Variants in DIDO1 observed in about 807,000 individuals in gnomAD.
DIDO1 encodes death-inducer obliterator 1.
In DIDO1, 16 loss-of-function variants were observed where a neutral mutation model predicts 99.4. That is an observed-to-expected ratio of 0.16 (90% CI 0.11 to 0.24). The LOEUF is 0.24. Among genes scored for constraint, DIDO1 ranks in the 10% least tolerant of loss-of-function variants. DIDO1 has a pLI of 1.00. For synonymous variants in DIDO1, 1,366 were observed against 1,239.1 expected, an observed-to-expected ratio of 1.10 and a Z score of -2.15; for missense variants, 2,996 against 3,014.0, an observed-to-expected ratio of 0.99 and a Z score of 0.14.
chr20:62,931,717 G>A (rs908640523), intron 1 of DIDO1, among the ~76,000 whole-genome samples: 8 of 152,200 alleles, frequency 5.3e-5, no homozygotes, highest in African/African-American at 1.9e-4. Context: ...CAGACGCAAT[G>A]GGCCCCGGCC....
chr20:62,910,977 G>C lies in DIDO1; in HGVS notation c.636C>G (p.Val212=), dbSNP rs1212501568. 3 of 1,613,982 alleles carry C rather than the reference G, an allele frequency of 1.9e-6. No individual in the cohort carries two copies. The highest frequency in any genetic ancestry group is 2.5e-6 in the Non-Finnish European group (3 of 1,180,032). The change falls in exon 3 of 16, where the codon GTC becomes GTG. Residue 212 remains valine (V), a synonymous_variant. Coordinates refer to ENST00000395343, the MANE Select transcript of DIDO1 (RefSeq NM_001193369.2). ...GSEASDTVEG[V]LPSKQEPEND... ...TCTCGGGCTCCTGCTTACTGGGCAG[G>C]ACGCCCTCCACAGTGTCACTGGCCT...
chr20:62,881,382 G>C lies in DIDO1; in HGVS notation c.4574C>G (p.Pro1525Arg). 1 of 1,607,106 alleles carries C rather than the reference G, an allele frequency of 6.2e-7. No homozygotes were observed. Among genetic ancestry groups the C allele is most frequent in the Non-Finnish European group, 8.5e-7 (1 of 1,179,904 alleles). The change falls in exon 16 of 16, where the codon CCA becomes CGA. Residue 1525 changes from proline to arginine, a missense_variant. Transcript: ENST00000395343. This position sits in a 1 kb window ranked among gnomAD's most constrained non-coding sequence, Gnocchi z 8.3. ...CTCTGCCTTGGGCAAGGACGACTTTGGTGGTGGAGACATCAAGGCGTCCGA... is the reference window on the plus strand; with the variant it reads ...CTCTGCCTTGGGCAAGGACGACTTTCGTGGTGGAGACATCAAGGCGTCCGA... ...SVSDALMSPP[P>R]KSSLPKAELF...
chr20:62,892,452 A>G (rs1405923161), intron 13 of DIDO1, among the ~76,000 whole-genome samples: 3 of 152,180 alleles, frequency 2.0e-5, no homozygotes, highest in African/African-American at 4.8e-5. Context: ...ACGGGGTCAT[A>G]TGCGCCACCC....
At chr20:62,929,865 G>C (rs536118519), upstream of DIDO1, among the ~76,000 whole-genome samples, 3 of 151,486 alleles carry the variant, frequency 2.0e-5, no homozygotes, top group African/African-American at 7.3e-5. Context: ...ATGCTAAAAG[G>C]TGTCACAATC....
chr20:62,910,760 C>G lies in DIDO1; in HGVS notation c.839+14G>C, dbSNP rs747324127. Reference sequence around the variant, plus strand: ...CAACCCTGGGATTTCTGTGGGTGCCCACACATGACCCACCTGTTGTTGTGA... The same window carrying G: ...CAACCCTGGGATTTCTGTGGGTGCCGACACATGACCCACCTGTTGTTGTGA... On this transcript the variant is annotated intron_variant, in intron 3 of 15. Transcript: ENST00000395343. The G allele has an allele frequency of 5.0e-6, 8 of 1,597,946 alleles. No individual in the cohort carries two copies. Among genetic ancestry groups the G allele is most frequent in the Non-Finnish European group, 6.8e-6 (8 of 1,168,114 alleles).
chr20:62,919,274 G>A (rs1437713874), intron 1 of DIDO1, among the ~76,000 whole-genome samples: 6 of 152,178 alleles, frequency 3.9e-5, no homozygotes, highest in Non-Finnish European at 7.3e-5. Context: ...TGGGCCGGGT[G>A]CGGTGGCTCA....
intron 1 of DIDO1, among the ~76,000 whole-genome samples, chr20:62,936,218 G>A (rs1304618209): frequency 6.6e-6 from 1 of 152,040 alleles, no homozygotes; most frequent in Non-Finnish European, 1.5e-5. Flanking sequence ...ATCGAGACCA[G>A]CCTGGGCAAG....
chr20:62,911,589 G>A lies in DIDO1; in HGVS notation c.24C>T (p.Ser8=). The A allele has an allele frequency of 1.9e-6, 3 of 1,589,304 alleles. No individual in the cohort carries two copies. The East Asian group carries it at 6.7e-5, about 36-fold the overall frequency. The change falls in exon 3 of 16, where the codon AGC becomes AGT. Residue 8 remains serine, a synonymous_variant. Coordinates refer to ENST00000395343, the MANE Select transcript of DIDO1 (RefSeq NM_001193369.2). The surrounding 1 kb of genome is among the most constrained non-coding windows in gnomAD (Gnocchi z 7.0). MDDKGDP[S]NEEAPKAIKP... Reference sequence around the variant, plus strand: ...TGATGGCCTTAGGTGCCTCCTCATTGCTCGGGTCGCCTTTGTCGTCCATAC... The same window carrying A: ...TGATGGCCTTAGGTGCCTCCTCATTACTCGGGTCGCCTTTGTCGTCCATAC...
Position 62,881,040 on chromosome 20 carries a change from C to A in DIDO1, c.4916G>T (p.Gly1639Val). The part of the protein sequence containing the change: ...SEQDGWKAEP[G>V]EGTRPATVGD... ...AACCGTGGCGGGGCGGGTGCCCTCC[C>A]CAGGCTCTGCCTTCCAGCCGTCCTG... The change falls in exon 16 of 16, where the codon GGG becomes GTG. Residue 1639 changes from glycine (G) to valine (V), a missense_variant. Gly to Val is a moderately radical substitution (Grantham distance 109). Around this residue, in one of 5 missense-constraint regions of DIDO1, gnomAD observed 1,562 missense variants for 1,412.6 expected, o/e 1.11. Transcript: ENST00000395343. This position sits in a 1 kb window ranked among gnomAD's most constrained non-coding sequence, Gnocchi z 8.3. The A allele has an allele frequency of 1.2e-6, 2 of 1,604,776 alleles. No homozygotes were observed. Among genetic ancestry groups the A allele is most frequent in the Non-Finnish European group, 1.7e-6 (2 of 1,178,232 alleles).
Position 62,914,165 on chromosome 20 carries a change from T to A in DIDO1, c.-3+45A>T, listed in dbSNP as rs1244607155. ...ACTTTATAAATAGCAAATACAGACT[T>A]ATTAAGTTAAAATTTTGTTGCTACT... On this transcript the variant is annotated intron_variant, in intron 2 of 15. Transcript: ENST00000395343. 21 of 152,224 alleles carry A rather than the reference T, an allele frequency of 1.4e-4. 1 individual carries two copies. Among genetic ancestry groups the A allele is most frequent in the Admixed American group, 1.4e-3 (21 of 15,284 alleles). 9.4% of individuals were successfully genotyped at this position (152,224 alleles called of 1,614,324 possible). A position where few individuals can be genotyped will look rare whatever the true frequency, so the allele number is the denominator to read the frequency against.
At position 62,894,444 on chromosome 20, in the gene DIDO1, G is replaced by A. The variant is rs763566233; in HGVS notation, c.2541C>T (p.His847=). 7.4e-6 allele frequency: 12 copies of A among 1,613,310 alleles called. No homozygotes were observed. The highest frequency in any genetic ancestry group is 2.2e-5 in the South Asian group (2 of 91,080). ...AAATTTTACAGTTGAGATCGAAGAG[G>A]TGTGCGCGGTGCTGACTGGTGGTGT... The part of the protein sequence containing the change: ...LKDTTSQHRA[H]LFDLNCKICT... Residue 847 remains histidine, a synonymous_variant, in exon 11 of 16, where the codon CAC becomes CAT. Coordinates refer to ENST00000395343, the MANE Select transcript of DIDO1 (RefSeq NM_001193369.2). This position sits in a 1 kb window ranked among gnomAD's most constrained non-coding sequence, Gnocchi z 4.4.
upstream of DIDO1, among the ~76,000 whole-genome samples, chr20:62,929,692 A>AAAAAAAAAAAAAAATATATATATAT: frequency 3.1e-5 from 2 of 63,710 alleles, no homozygotes; most frequent in African/African-American, 1.5e-4. Context: ...AAAAAGAAAA[A>AAAAAAAAAAAAAAATATATATATAT]GTGTATATAT....
intron 1 of DIDO1, among the ~76,000 whole-genome samples, chr20:62,922,253 C>T (rs1311593801): frequency 6.7e-6 from 1 of 149,574 alleles, no homozygotes; most frequent in South Asian, 2.1e-4. Context: ...TACACACACA[C>T]ACATATATAT....
Position 62,909,682 on chromosome 20 carries a change from A to G in DIDO1, c.1161+17T>C, listed in dbSNP as rs1361979578. On this transcript the variant is annotated intron_variant, in intron 4 of 15. Coordinates refer to ENST00000395343, the MANE Select transcript of DIDO1 (RefSeq NM_001193369.2). ...AGGCCGACTGCTGAATGCTCGTCTC[A>G]GCGGACAAACACTTACAGGCTGGAA... The G allele has an allele frequency of 1.2e-6, 2 of 1,610,386 alleles. No homozygotes were observed. The highest frequency in any genetic ancestry group is 1.7e-6 in the Non-Finnish European group (2 of 1,177,210).
chr20:62,937,674 T>G, intron 1 of DIDO1: 1 of 391,640 alleles, frequency 2.6e-6, no homozygotes, highest in Non-Finnish European at 4.5e-6. Context: ...ACACTAGCCC[T>G]GGAAGGCCGC....
At chr20:62,933,570 T>C (rs943851062) in intron 1 of DIDO1, among the ~76,000 whole-genome samples, 1 of 152,230 alleles carries the variant, frequency 6.6e-6, no homozygotes, top group African/African-American at 2.4e-5. Context: ...AAACATTCTA[T>C]GATTTGAGTA....
chr20:62,886,993 G>GT (rs1299484223), intron 15 of DIDO1, among the ~76,000 whole-genome samples: 6 of 152,210 alleles, frequency 3.9e-5, no homozygotes, highest in Non-Finnish European at 1.5e-5. Flanking sequence ...CACGTCTCAG[G>GT]TAAGAGGAGA....
At position 62,894,158 on chromosome 20, in the gene DIDO1, T is replaced by A; in HGVS notation, c.2609A>T (p.Lys870Ile). Reference protein sequence around the residue: ...VPSAEDEPAPKKQKLSASVKK... With the variant: ...VPSAEDEPAPIKQKLSASVKK... ...AACAGAAGCTGACAATTTTTGTTTT[T>A]TCGGAGCTGGCTCATCTTCTGCGGA... is the stretch of plus-strand genomic sequence containing the variant. The change falls in exon 12 of 16, where the codon AAA (lysine) becomes ATA (isoleucine). Residue 870 changes from lysine to isoleucine, a missense_variant. Transcript: ENST00000395343. The surrounding 1 kb of genome is among the most constrained non-coding windows in gnomAD (Gnocchi z 4.4). 1 of 1,614,042 alleles carries A rather than the reference T, an allele frequency of 6.2e-7. No homozygotes were observed.
intron 6 of DIDO1, chr20:62,904,938 A>G: frequency 4.2e-6 from 4 of 951,888 alleles, no homozygotes; most frequent in Non-Finnish European, 5.0e-6. Context: ...TTGAATTGAG[A>G]CTATTTAACC....
Sources: allele counts gnomAD v4.1 joint callset (sites outside exome capture counted in the v4.1 genomes callset), GRCh38; gene constraint gnomAD v4.1.1; regional missense constraint gnomAD v4.1.1; non-coding constraint Gnocchi (gnomAD v3.1); transcripts MANE v1.5; gene names NCBI Gene and HGNC (gene_info 2026-07-23, HGNC 2026-07-21).